Variants in FAP observed in about 807,000 individuals in gnomAD.
FAP encodes fibroblast activation protein alpha.
A neutral mutation model predicts 126.5 loss-of-function variants in FAP; 110 were observed. That is an observed-to-expected ratio of 0.87 (90% confidence interval 0.74 to 1.02). The LOEUF is 1.02. Among genes scored for constraint, FAP ranks in the 50% least tolerant of loss-of-function variants. The probability of loss-of-function intolerance (pLI) is 0.00; values close to 1 mark genes in which losing one functional copy is unlikely to be tolerated. For synonymous variants in FAP, 334 were observed against 297.3 expected, an observed-to-expected ratio of 1.12 and a Z score of -1.27; for missense variants, 919 against 909.2, an observed-to-expected ratio of 1.01 and a Z score of -0.14.
intron 2 of FAP, among the ~76,000 whole-genome samples, chr2:162,237,200 A>G (rs967943737): frequency 6.6e-6 from 1 of 152,170 alleles, no homozygotes; most frequent in African/African-American, 2.4e-5. Flanking sequence ...GTTTTATTAC[A>G]TGCTACTGTA....
At chr2:162,195,963 A>G (rs1688238516) in intron 16 of FAP, among the ~76,000 whole-genome samples, 1 of 152,030 alleles carries the variant, frequency 6.6e-6, no homozygotes, top group South Asian at 2.1e-4. Flanking sequence ...ATTTTTTTGT[A>G]GAGTTCTGAG....
intron 15 of FAP, among the ~76,000 whole-genome samples, chr2:162,199,823 A>G (rs1405551058): frequency 6.6e-6 from 1 of 152,208 alleles, no homozygotes; most frequent in African/African-American, 2.4e-5. Context: ...TGACAGAGGG[A>G]AAATTTCTTA....
At chr2:162,211,926 C>T (rs895603183) in intron 11 of FAP, among the ~76,000 whole-genome samples, 4 of 152,152 alleles carry the variant, frequency 2.6e-5, no homozygotes, top group Non-Finnish European at 4.4e-5. Context: ...CACACACACA[C>T]ACATCAGTCA....
rs775864096 is a variant in FAP, at chr2:162,189,657, A to G, written c.1548T>C (p.Ile516=). ...EEIKKLEVDE[I]TLWYKMILPP... ...TGAGAAGTTTTTAAAAGATCTTACT[A>G]ATTTCATCTACTTCAAGTTTCTTAA... The change falls in exon 18 of 26, where the codon ATT becomes ATC. Residue 516 remains isoleucine, a splice_region_variant and synonymous_variant. Transcript: ENST00000188790. 1 of 1,503,586 alleles carries G rather than the reference A, an allele frequency of 6.7e-7. No individual in the cohort carries two copies. Among genetic ancestry groups the G allele is most frequent in the Non-Finnish European group, 9.1e-7 (1 of 1,093,180 alleles). The allele number at this position is 1,503,586 out of a possible 1,614,324, so 93.1% of individuals were successfully genotyped here.
intron 12 of FAP, among the ~76,000 whole-genome samples, chr2:162,206,269 G>A (rs762242109): frequency 1.3e-5 from 2 of 152,158 alleles, no homozygotes; most frequent in Non-Finnish European, 2.9e-5. Flanking sequence ...CCCTAGATAA[G>A]CACCCACACC....
At chr2:162,233,537 CTGTCCTT>C (rs1689983871) in intron 2 of FAP, among the ~76,000 whole-genome samples, 1 of 152,084 alleles carries the variant, frequency 6.6e-6, no homozygotes, top group South Asian at 2.1e-4. Flanking sequence ...AGCAAAATGT[CTGTCCTT>C]TGTCCATTTT....
intron 14 of FAP, among the ~76,000 whole-genome samples, chr2:162,202,464 A>G (rs1688533957): frequency 6.6e-6 from 1 of 152,230 alleles, no homozygotes; most frequent in Admixed American, 6.5e-5. Context: ...TCCATAAATG[A>G]CAGTTGTTAT....
intron 6 of FAP, chr2:162,221,690 C>G (rs77209980): frequency 2.2e-6 from 1 of 456,512 alleles, no homozygotes; most frequent in African/African-American, 2.0e-5. Context: ...GCGCATGTCT[C>G]AAGCCATCAC....
intron 21 of FAP, among the ~76,000 whole-genome samples, chr2:162,181,574 A>G (rs561539570): frequency 1.3e-5 from 2 of 152,224 alleles, no homozygotes; most frequent in South Asian, 2.1e-4. Flanking sequence ...ATCTTCACCA[A>G]TCTCAAATGC....
chr2:162,184,357 A>G (rs1687792873), intron 20 of FAP, among the ~76,000 whole-genome samples: 1 of 152,206 alleles, frequency 6.6e-6, no homozygotes, highest in Non-Finnish European at 1.5e-5. Flanking sequence ...GAAAAATACT[A>G]TCTTCTTGTT....
intron 2 of FAP, among the ~76,000 whole-genome samples, chr2:162,240,320 A>T (rs1344003020): frequency 6.6e-6 from 1 of 152,216 alleles, no homozygotes; most frequent in Non-Finnish European, 1.5e-5. Context: ...ACTACATTTC[A>T]TATTTGTTCT....
At chr2:162,234,365 G>T (rs1290643355) in intron 2 of FAP, among the ~76,000 whole-genome samples, 2 of 151,822 alleles carry the variant, frequency 1.3e-5, no homozygotes, top group Non-Finnish European at 2.9e-5. Context: ...CACTTATTTA[G>T]ATCTTTTTGG....
At chr2:162,180,064 C>T (rs144492889) in intron 21 of FAP, among the ~76,000 whole-genome samples, 46 of 152,030 alleles carry the variant, frequency 3.0e-4, no homozygotes, top group African/African-American at 1.1e-3. Flanking sequence ...GCCTCGGTCT[C>T]ACAAAGTACT....
At position 162,194,856 on chromosome 2, in the gene FAP, T is replaced by G. The variant is rs1688190668; in HGVS notation, c.1403-108A>C. 3.2e-6 allele frequency: 3 copies of G among 929,740 alleles called. No individual in the cohort carries two copies. The African/African-American group carries it at 4.9e-5, about 15-fold the overall frequency. The allele number at this position is 929,740 out of a possible 1,614,324, so 57.6% of individuals were successfully genotyped here. ...GATTAGTGTCAAGTGCCAGTACATC[T>G]TTTAATTCTGCAGCTATTTTTTTCC... On this transcript the variant is annotated intron_variant, in intron 16 of 25. Transcript: ENST00000188790.
Position 162,225,501 on chromosome 2 carries a change from A to C in FAP, c.267T>G (p.Ile89Met). 2 of 1,600,232 alleles carry C rather than the reference A, an allele frequency of 1.2e-6. No individual in the cohort carries two copies. Among genetic ancestry groups the C allele is most frequent in the Non-Finnish European group, 8.5e-7 (1 of 1,172,138 alleles). Reference protein sequence around the residue: ...YNIETGQSYTILSNRTMKSVN... With the variant: ...YNIETGQSYTMLSNRTMKSVN... Reference sequence around the variant, plus strand: ...TACATACCATGGTTCTATTACTCAAAATGGTATATGATTGTCCTGTTTCAA... The same window carrying C: ...TACATACCATGGTTCTATTACTCAACATGGTATATGATTGTCCTGTTTCAA... The change falls in exon 4 of 26, where the codon ATT becomes ATG. Residue 89 changes from isoleucine to methionine, a missense_variant. Transcript: ENST00000188790.
chr2:162,224,029 G>T (rs1034883999), intron 5 of FAP, among the ~76,000 whole-genome samples: 9 of 152,074 alleles, frequency 5.9e-5, no homozygotes, highest in South Asian at 2.1e-4. Context: ...CAGCCTATAA[G>T]GATTACCCTG....
chr2:162,200,802 A>G (rs1688466680), intron 14 of FAP, among the ~76,000 whole-genome samples, 183 bp from the exon 15 acceptor site: 1 of 152,170 alleles, frequency 6.6e-6, no homozygotes, highest in African/African-American at 2.4e-5. Context: ...TGGCTTCCAA[A>G]TCATCAGAGG....
At chr2:162,238,082 A>C (rs897056732) in intron 2 of FAP, among the ~76,000 whole-genome samples, 3 of 151,202 alleles carry the variant, frequency 2.0e-5, no homozygotes, top group Admixed American at 6.6e-5. Flanking sequence ...AGTTCTTTGT[A>C]GATTCTGGAT....
chr2:162,225,809 G>A (rs903826191), intron 3 of FAP, among the ~76,000 whole-genome samples: 5 of 152,084 alleles, frequency 3.3e-5, no homozygotes, highest in Non-Finnish European at 5.9e-5. Flanking sequence ...TATTTTAGCC[G>A]ATTCAGGGTG....
Sources: gnomAD v4.1 joint callset for allele counts (sites outside exome capture counted in the v4.1 genomes callset) on GRCh38, gnomAD v4.1.1 for gene constraint, MANE v1.5 for transcripts, NCBI Gene and HGNC (gene_info 2026-07-23, HGNC 2026-07-21) for gene names.